Variants in NAALADL2 observed in about 807,000 individuals in gnomAD.
NAALADL2 encodes the protein N-acetylated alpha-linked acidic dipeptidase like 2.
In NAALADL2, 76 loss-of-function variants were observed where a neutral mutation model predicts 87.2. That is an observed-to-expected ratio of 0.87 (90% confidence interval 0.72 to 1.05). The LOEUF is 1.05. NAALADL2 is among the 50% of genes least tolerant of loss of function. NAALADL2 has a pLI of 0.00. For synonymous variants in NAALADL2, 354 were observed against 331.0 expected (o/e 1.07, Z -0.75); for missense variants, 1,089 against 945.8 (o/e 1.15, Z -1.99).
chr3:175,607,620 A>G (rs1232313103), intron 10 of NAALADL2, among the ~76,000 whole-genome samples: 1 of 152,162 alleles, frequency 6.6e-6, no homozygotes, highest in Non-Finnish European at 1.5e-5. Flanking sequence ...GAAATGTTAG[A>G]AAATCAGTTA....
At position 174,822,656 on chromosome 3, in the gene NAALADL2, A is replaced by T. The variant is rs534573581; in HGVS notation, c.-9+84910A>T. ...TGTAATATATGATGTATATATAGAT[A>T]TATCACCTATGCTATAGGTAGGTGC... On this transcript the variant is annotated intron_variant, in intron 3 of 3. Coordinates refer to the NAALADL2 transcript ENST00000434257. 5.3e-5 allele frequency among the ~76,000 whole-genome samples: 8 copies of T among 152,294 alleles called. No individual in the cohort carries two copies. In the South Asian group the frequency reaches 1.7e-3, roughly 32 times the overall value.
Position 174,557,700 on chromosome 3 carries a change from G to GT in NAALADL2, c.-115+7072dup, listed in dbSNP as rs35195211. Among the ~76,000 whole-genome samples, 353 of 151,102 alleles carry GT rather than the reference G, an allele frequency of 2.3e-3. 1 individual carries two copies. Among genetic ancestry groups the GT allele is most frequent in the Middle Eastern group, 6.8e-3 (2 of 292 alleles). ...TGGAGGAGTCTGCACTACTAGAACT[G>GT]TTTTTTTTTGTTCTTCTTTAAATGT... is the stretch of plus-strand genomic sequence containing the variant. On this transcript the variant is annotated intron_variant, in intron 2 of 3. Coordinates refer to the NAALADL2 transcript ENST00000434257.
chr3:175,588,773 C>T (rs1251629871), intron 10 of NAALADL2, among the ~76,000 whole-genome samples: 1 of 151,944 alleles, frequency 6.6e-6, no homozygotes, highest in Non-Finnish European at 1.5e-5. Context: ...CTCCTGACCT[C>T]GTGATCCGCC....
At chr3:175,013,704 C>G (rs964687798) in intron 1 of NAALADL2, among the ~76,000 whole-genome samples, 1 of 152,024 alleles carries the variant, frequency 6.6e-6, no homozygotes, top group Non-Finnish European at 1.5e-5. Context: ...GAACCACACC[C>G]CTGAATGTTT....
chr3:174,675,279 G>T (rs1389568314), intron 2 of NAALADL2, among the ~76,000 whole-genome samples: 3 of 152,004 alleles, frequency 2.0e-5, no homozygotes, highest in African/African-American at 7.2e-5. Context: ...ATTTAGGGAT[G>T]ACATTTGCAC....
chr3:175,556,554 C>T (rs983488351), intron 9 of NAALADL2, among the ~76,000 whole-genome samples: 4 of 151,964 alleles, frequency 2.6e-5, no homozygotes, highest in Admixed American at 2.6e-4. Context: ...AGTTGCACTC[C>T]AGGTGGAAAG....
intron 1 of NAALADL2, among the ~76,000 whole-genome samples, chr3:174,863,517 G>T (rs1293780024): frequency 6.7e-6 from 1 of 148,360 alleles, no homozygotes; most frequent in Non-Finnish European, 1.5e-5. Flanking sequence ...TGTATGGAAT[G>T]TTTCTTCATA....
chr3:174,508,103 G>C (rs1227275857), intron 1 of NAALADL2, among the ~76,000 whole-genome samples: 1 of 113,566 alleles, frequency 8.8e-6, no homozygotes, highest in African/African-American at 3.2e-5. Flanking sequence ...TTAGCTATTG[G>C]ATATCTAGTG....
chr3:175,239,734 G>T (rs1182260204), intron 3 of NAALADL2, among the ~76,000 whole-genome samples: 1 of 152,208 alleles, frequency 6.6e-6, no homozygotes, highest in African/African-American at 2.4e-5. Flanking sequence ...AGAGAGCATA[G>T]TTCAACAGCC....
chr3:175,573,797 C>A (rs913350241), intron 9 of NAALADL2, among the ~76,000 whole-genome samples: 1 of 152,080 alleles, frequency 6.6e-6, no homozygotes, highest in Non-Finnish European at 1.5e-5. Context: ...AAAAATTCAG[C>A]TTTGAAAAGA....
chr3:175,695,592 T>C (rs1373230515), intron 11 of NAALADL2, among the ~76,000 whole-genome samples: 1 of 152,288 alleles, frequency 6.6e-6, no homozygotes, highest in East Asian at 1.9e-4. Flanking sequence ...TAGGTCCATT[T>C]AGTACTATTT....
At chr3:175,632,989 AG>A (rs1728007462) in intron 11 of NAALADL2, among the ~76,000 whole-genome samples, 2 of 152,146 alleles carry the variant, frequency 1.3e-5, no homozygotes, top group Admixed American at 1.3e-4. Flanking sequence ...CACAGGTTAC[AG>A]GAAATTTCCA....
chr3:175,423,320 A>G (rs1234311075), intron 5 of NAALADL2, among the ~76,000 whole-genome samples: 9 of 145,698 alleles, frequency 6.2e-5, no homozygotes, highest in Admixed American at 3.5e-4. Context: ...CAACGTGCAG[A>G]TTTGTTACAT....
At chr3:175,636,018 G>A (rs1728479929) in intron 11 of NAALADL2, among the ~76,000 whole-genome samples, 2 of 152,100 alleles carry the variant, frequency 1.3e-5, no homozygotes, top group Admixed American at 1.3e-4. Flanking sequence ...GTTTAATGTA[G>A]ATATTAAAGA....
At chr3:174,921,303 TAA>T (rs1181255888) in intron 1 of NAALADL2, among the ~76,000 whole-genome samples, 2 of 152,212 alleles carry the variant, frequency 1.3e-5, no homozygotes, top group Non-Finnish European at 2.9e-5. Flanking sequence ...ATGTGCTCAA[TAA>T]AGTTACTTAA....
intron 2 of NAALADL2, among the ~76,000 whole-genome samples, chr3:175,102,687 G>A (rs763353129): frequency 7.3e-6 from 1 of 136,966 alleles, no homozygotes; most frequent in African/African-American, 2.6e-5. Context: ...ATTTGGACAG[G>A]GCAATATTTT....
intron 1 of NAALADL2, among the ~76,000 whole-genome samples, chr3:174,534,705 C>T (rs574856410): frequency 9.2e-5 from 14 of 152,230 alleles, no homozygotes; most frequent in Admixed American, 3.3e-4. Context: ...AAAGTAATGG[C>T]GCCATTATGT....
rs187850953 is a variant in NAALADL2 at position 175,161,867 on chromosome 3, C to T, written c.545+64576C>T. Among the ~76,000 whole-genome samples the T allele has an allele frequency of 4.5e-4, 68 of 152,244 alleles. 1 individual carries two copies. Among genetic ancestry groups the T allele is most frequent in the African/African-American group, 1.5e-3 (64 of 41,534 alleles). ...CAGTCATTCTGATGGTGTCTGTATA[C>T]ATGCTGGTAATAACTAACAACTGAA... On this transcript the variant is annotated intron_variant, in intron 2 of 13. Coordinates refer to ENST00000454872, the MANE Select transcript of NAALADL2 (RefSeq NM_207015.3).
chr3:175,626,325 T>C (rs1726977232), intron 10 of NAALADL2, among the ~76,000 whole-genome samples: 2 of 151,978 alleles, frequency 1.3e-5, no homozygotes, highest in African/African-American at 4.8e-5. Flanking sequence ...TTCTCTAGCA[T>C]TGAAAATATG....
Sources: gnomAD v4.1 joint callset for allele counts (sites outside exome capture counted in the v4.1 genomes callset) on GRCh38, gnomAD v4.1.1 for gene constraint, MANE v1.5 for transcripts, NCBI Gene and HGNC (gene_info 2026-07-23, HGNC 2026-07-21) for gene names.